The following CHN2 variants were observed in gnomAD, a reference collection of about 807,000 sequenced individuals.
CHN2 encodes beta-chimaerin.
Under a neutral mutation model 56.3 loss-of-function variants are expected in CHN2, and 35 were observed. The observed-to-expected ratio is 0.62, with a 90% CI of 0.47 to 0.82. The LOEUF is 0.82. Among genes scored for constraint, CHN2 ranks in the 40% least tolerant of loss-of-function variants. The probability of loss-of-function intolerance (pLI) is 0.00; values close to 1 mark genes in which losing one functional copy is unlikely to be tolerated. For synonymous variants in CHN2, 210 were observed against 212.8 expected, an observed-to-expected ratio of 0.99 and a Z score of 0.12; for missense variants, 491 against 580.5, an observed-to-expected ratio of 0.85 and a Z score of 1.58.
At chr7:29,281,024 T>C (rs952087302) in intron 1 of CHN2, among the ~76,000 whole-genome samples, 1 of 152,188 alleles carries the variant, frequency 6.6e-6, no homozygotes, top group Non-Finnish European at 1.5e-5. Context: ...ATTATATACA[T>C]TGTATGATAA....
intron 1 of CHN2, among the ~76,000 whole-genome samples, chr7:29,226,581 G>A (rs1786217337): frequency 6.6e-6 from 1 of 152,098 alleles, no homozygotes; most frequent in South Asian, 2.1e-4. Context: ...GTCATATGCT[G>A]TTACATATAT....
At chr7:29,501,818 T>C (rs1218325563) in intron 9 of CHN2, among the ~76,000 whole-genome samples, 1 of 152,204 alleles carries the variant, frequency 6.6e-6, no homozygotes, top group East Asian at 1.9e-4. Context: ...TCTCCAAATG[T>C]TCTTTTATGT....
chr7:29,409,883 C>T (rs1028976499), intron 6 of CHN2, among the ~76,000 whole-genome samples: 1 of 152,048 alleles, frequency 6.6e-6, no homozygotes, highest in Admixed American at 6.6e-5. Flanking sequence ...AGGAATTGTC[C>T]CACCACTTTT....
In CHN2 at chr7:29,194,970, C is replaced by T. The variant is rs1287485496; in HGVS notation, c.29C>T (p.Ser10Phe). MAASSNSSL[S>F]GSSVSSDAEE... ...GCAGCGTCCAGCAACTCCAGCCTGT[C>T]CGGCTCGTCGGTGTCCTCCGGTGAG... Residue 10 changes from serine to phenylalanine, a missense_variant, in exon 1 of 13, where the codon TCC becomes TTC. Physicochemically the swap from Ser to Phe is radical, Grantham distance 155 (BLOSUM62 -2). Transcript: ENST00000222792. 1.3e-6 allele frequency: 2 copies of T among 1,586,112 alleles called. No individual in the cohort carries two copies. Among genetic ancestry groups the T allele is most frequent in the Non-Finnish European group, 1.7e-6 (2 of 1,168,970 alleles).
intron 6 of CHN2, among the ~76,000 whole-genome samples, chr7:29,449,697 TAA>T (rs754805486): frequency 6.6e-6 from 1 of 152,216 alleles, no homozygotes; most frequent in Non-Finnish European, 1.5e-5. Flanking sequence ...TTAACTCAAA[TAA>T]ATGTGGGCTG....
chr7:29,354,583 G>T (rs368868515), intron 1 of CHN2, 42 bp from the exon 2 acceptor site: 5 of 1,565,726 alleles, frequency 3.2e-6, no homozygotes, highest in African/African-American at 1.3e-5. Flanking sequence ...ACAGCTTGAC[G>T]TTCAGGCTGA....
chr7:29,513,128 T>C lies in CHN2; in HGVS notation c.*393T>C. 1 of 161,204 alleles carries C rather than the reference T, an allele frequency of 6.2e-6. No individual in the cohort carries two copies. The highest frequency in any genetic ancestry group is 1.9e-4 in the South Asian group (1 of 5,224). 10.0% of individuals were successfully genotyped at this position (161,204 alleles called of 1,614,324 possible). A position where few individuals can be genotyped will look rare whatever the true frequency, so the allele number is the denominator to read the frequency against. ...TTTCCACTTACAAAAAGAAGACAATTCTGTTAAATGAAACGTGTATCGTAA... is the reference window on the plus strand; with the variant it reads ...TTTCCACTTACAAAAAGAAGACAATCCTGTTAAATGAAACGTGTATCGTAA... On this transcript the variant is annotated 3_prime_UTR_variant, in exon 13 of 13. Coordinates refer to ENST00000222792, the MANE Select transcript of CHN2 (RefSeq NM_004067.4).
intron 2 of CHN2, among the ~76,000 whole-genome samples, chr7:29,167,389 T>G (rs1375060118): frequency 6.6e-6 from 1 of 152,198 alleles, no homozygotes; most frequent in Non-Finnish European, 1.5e-5. Flanking sequence ...CAAAAAATTA[T>G]CCACTATCTG....
chr7:29,195,629 AGTGTGTGTGTGTGTGTGT>A (rs70980513), intron 1 of CHN2, among the ~76,000 whole-genome samples: 20 of 117,486 alleles, frequency 1.7e-4, no homozygotes, highest in South Asian at 2.9e-4. Flanking sequence ...AGAGAGAGAG[AGTGTGTGTGTGTGTGTGT>A]GTGAGAGAGA....
intron 1 of CHN2, among the ~76,000 whole-genome samples, chr7:29,352,353 G>A (rs1172609144): frequency 1.8e-5 from 1 of 56,008 alleles, no homozygotes; most frequent in Non-Finnish European, 4.8e-5. Flanking sequence ...AGTCTGTCGT[G>A]TGTGTGTGTG....
rs140997671 is a variant in CHN2, at chr7:29,180,115, G to A, written c.274+33155G>A. On this transcript the variant is annotated intron_variant, in intron 2 of 6. Coordinates refer to the CHN2 transcript ENST00000439384. The stretch of plus-strand genomic sequence containing the variant: ...ACATGTGTTTCATTCTTAATATTCC[G>A]AAGTCAATCTGTTCCCCAATAGTTT... Among the ~76,000 whole-genome samples, 774 of 152,144 alleles carry A rather than the reference G, an allele frequency of 5.1e-3. 4 individuals are homozygous for A. Among genetic ancestry groups the A allele is most frequent in the Non-Finnish European group, 7.3e-3 (497 of 68,016 alleles).
chr7:29,416,537 G>A (rs1354385849), intron 6 of CHN2, among the ~76,000 whole-genome samples: 1 of 152,178 alleles, frequency 6.6e-6, no homozygotes, highest in Non-Finnish European at 1.5e-5. Flanking sequence ...CCTGTAGAAG[G>A]TTTGTTAGTA....
intron 2 of CHN2, among the ~76,000 whole-genome samples, chr7:29,183,096 T>A (rs1042127230): frequency 1.3e-5 from 2 of 151,834 alleles, no homozygotes; most frequent in East Asian, 3.9e-4. Flanking sequence ...TTTTTTTTTT[T>A]TTTTTGAAAC....
chr7:29,230,445 A>T (rs1441319234), intron 1 of CHN2, among the ~76,000 whole-genome samples: 1 of 152,060 alleles, frequency 6.6e-6, no homozygotes, highest in Non-Finnish European at 1.5e-5. Flanking sequence ...GGCTCAAGTG[A>T]TTCTCATGCC....
At chr7:29,200,412 C>G (rs544534585) in intron 1 of CHN2, among the ~76,000 whole-genome samples, 1 of 137,520 alleles carries the variant, frequency 7.3e-6, no homozygotes, top group Non-Finnish European at 1.5e-5. Flanking sequence ...TTCCTTCCTT[C>G]TTTCCTTCCT....
intron 3 of CHN2, among the ~76,000 whole-genome samples, chr7:29,382,900 T>A (rs1409077625): frequency 6.6e-6 from 1 of 152,146 alleles, no homozygotes; most frequent in Admixed American, 6.5e-5. Flanking sequence ...GAGGGTGTGC[T>A]TCAGAAACTA....
chr7:29,208,996 A>G (rs1177229420), intron 1 of CHN2: 1 of 152,308 alleles, frequency 6.6e-6, no homozygotes, highest in Admixed American at 6.6e-5. Context: ...GGAAGATAAA[A>G]AAGACTTTCT....
intron 1 of CHN2, among the ~76,000 whole-genome samples, chr7:29,305,604 A>G (rs922369010): frequency 1.3e-5 from 2 of 152,186 alleles, no homozygotes; most frequent in Non-Finnish European, 2.9e-5. Context: ...AATCAAAGCA[A>G]TTGTAGAGTT....
rs71555785 is a variant in CHN2, at chr7:29,169,861, CGT to C, written c.274+22920_274+22921del. On this transcript the variant is annotated intron_variant, in intron 2 of 6. Coordinates refer to the CHN2 transcript ENST00000439384. ...ACACACATATATATAAGTATATATA[CGT>C]GTGTGTGTGTGTGTGTGTATATATA... 6.7e-4 allele frequency among the ~76,000 whole-genome samples: 99 copies of C among 147,804 alleles called. 1 individual carries two copies. The highest frequency in any genetic ancestry group is 2.0e-3 in the African/African-American group (80 of 39,888).
Sources: allele counts gnomAD v4.1 joint callset (sites outside exome capture counted in the v4.1 genomes callset), GRCh38; gene constraint gnomAD v4.1.1; transcripts MANE v1.5; gene names NCBI Gene and HGNC (gene_info 2026-07-23, HGNC 2026-07-21).